Variants in JAKMIP3 observed in about 807,000 individuals in gnomAD.
JAKMIP3 encodes the protein Janus kinase and microtubule interacting protein 3.
Under a neutral mutation model 118.5 loss-of-function variants are expected in JAKMIP3, and 58 were observed. That is an observed-to-expected ratio of 0.49 (90% CI 0.40 to 0.61). JAKMIP3 has a LOEUF of 0.61. Ranked by LOEUF, JAKMIP3 falls within the 20% of genes least tolerant of loss-of-function variation. JAKMIP3 has a pLI of 0.00. For synonymous variants in JAKMIP3, 486 were observed against 451.2 expected, an observed-to-expected ratio of 1.08 and a Z score of -0.98; for missense variants, 950 against 1,109.0, an observed-to-expected ratio of 0.86 and a Z score of 2.04.
At chr10:132,110,378 C>T (rs1056739176) in intron 2 of JAKMIP3, among the ~76,000 whole-genome samples, 4 of 152,376 alleles carry the variant, frequency 2.6e-5, no homozygotes, top group African/African-American at 7.2e-5. Flanking sequence ...GTGGGGCCCA[C>T]GATAGATGGG....
At chr10:132,080,882 A>AT (rs1473273093) in intron 1 of JAKMIP3, among the ~76,000 whole-genome samples, 1 of 151,930 alleles carries the variant, frequency 6.6e-6, no homozygotes, top group Non-Finnish European at 1.5e-5. Context: ...ATTTGCAAAT[A>AT]TTTTCTCTCA....
chr10:132,085,243 G>C (rs567243707), intron 1 of JAKMIP3, among the ~76,000 whole-genome samples: 8 of 152,110 alleles, frequency 5.3e-5, no homozygotes, highest in African/African-American at 1.7e-4. Context: ...TTTCAGTCTC[G>C]CTGCCTGTTA....
chr10:132,152,760 A>T (rs1213689252), intron 16 of JAKMIP3, among the ~76,000 whole-genome samples, 198 bp from the exon 17 acceptor site: 1 of 152,140 alleles, frequency 6.6e-6, no homozygotes, highest in Non-Finnish European at 1.5e-5. Flanking sequence ...AATCGGCAGC[A>T]CCCGGAGGGA....
At position 132,097,975 on chromosome 10, in the gene JAKMIP3, C is replaced by CGCCT. The variant is rs1554928317; in HGVS notation, c.-137-6697_-137-6696insGCCT. On this transcript the variant is annotated intron_variant, in intron 1 of 23. Coordinates refer to ENST00000684848, the MANE Select transcript of JAKMIP3 (RefSeq NM_001323087.2). ...ATCCCCTTTCCCTTTCCTTCCTTTT[C>CGCCT]TCCCCTTCCCCTTCCCCTTCCCCTT... 5.8e-5 allele frequency among the ~76,000 whole-genome samples: 2 copies of CGCCT among 34,556 alleles called. 1 individual carries two copies. Among genetic ancestry groups the CGCCT allele is most frequent in the East Asian group, 3.2e-3 (2 of 620 alleles). 22.7% of individuals were successfully genotyped at this position (34,556 alleles called of 152,430 possible). A position where few individuals can be genotyped will look rare whatever the true frequency, so the allele number is the denominator to read the frequency against.
chr10:132,152,350 C>G (rs536761232), intron 16 of JAKMIP3, among the ~76,000 whole-genome samples: 2 of 152,314 alleles, frequency 1.3e-5, no homozygotes, highest in Non-Finnish European at 2.9e-5. Context: ...TCAGGCAGCC[C>G]TGGTCTGGAT....
At chr10:132,159,679 C>G (rs2057726233) in intron 19 of JAKMIP3, among the ~76,000 whole-genome samples, 2 of 111,530 alleles carry the variant, frequency 1.8e-5, no homozygotes, top group African/African-American at 3.7e-5. Context: ...GGGTCCTCTC[C>G]CTATGTGATG....
At chr10:132,156,871 T>C (rs1039051157) in intron 19 of JAKMIP3, among the ~76,000 whole-genome samples, 1 of 152,220 alleles carries the variant, frequency 6.6e-6, no homozygotes, top group Non-Finnish European at 1.5e-5. Context: ...CTTTTTTTAA[T>C]ATTGCATTTT....
chr10:132,171,443 T>C (rs1418891304), intron 23 of JAKMIP3, among the ~76,000 whole-genome samples: 1 of 152,206 alleles, frequency 6.6e-6, no homozygotes, highest in Non-Finnish European at 1.5e-5. Flanking sequence ...ATTGCGACAA[T>C]GTCCGTCCGA....
At chr10:132,165,013 C>T (rs2058749642) in intron 21 of JAKMIP3, among the ~76,000 whole-genome samples, 1 of 152,120 alleles carries the variant, frequency 6.6e-6, no homozygotes, top group African/African-American at 2.4e-5. Context: ...GCAGAGGAGC[C>T]ACTCCTCTTG....
intron 1 of JAKMIP3, among the ~76,000 whole-genome samples, chr10:132,079,770 C>T (rs1214960014): frequency 6.6e-6 from 1 of 152,214 alleles, no homozygotes; most frequent in Non-Finnish European, 1.5e-5. Context: ...CCCTGGCAGC[C>T]ACCTTCCATT....
intron 1 of JAKMIP3, among the ~76,000 whole-genome samples, chr10:132,092,312 C>T (rs11146164): frequency 0.35 from 53,852 of 151,820 alleles, 9,979 homozygotes; most frequent in African/African-American, 0.47. Context: ...GAATGTTGGC[C>T]TGCCTTGCTA....
chr10:132,059,617 A>C (rs2038337834), intron 1 of JAKMIP3, among the ~76,000 whole-genome samples: 1 of 152,216 alleles, frequency 6.6e-6, no homozygotes. Flanking sequence ...TGCAGCCTCC[A>C]GCAGTCTTCA....
intron 1 of JAKMIP3, among the ~76,000 whole-genome samples, chr10:132,071,825 T>C (rs2039920023): frequency 6.6e-6 from 1 of 151,112 alleles, no homozygotes; most frequent in East Asian, 1.9e-4. Flanking sequence ...TTCTTTTCTT[T>C]CCTTTCTTCC....
At chr10:132,055,422 T>A (rs2133825759) in intron 1 of JAKMIP3, among the ~76,000 whole-genome samples, 1 of 152,320 alleles carries the variant, frequency 6.6e-6, no homozygotes, top group Admixed American at 6.5e-5. Flanking sequence ...TAAGAGCACA[T>A]GATTTGCGAA....
In JAKMIP3 at chr10:132,049,907, G is replaced by C. The variant is rs559241237; in HGVS notation, c.-138+13169G>C. Among the ~76,000 whole-genome samples, 18 of 152,316 alleles carry C rather than the reference G, an allele frequency of 1.2e-4. No individual in the cohort carries two copies. The highest frequency in any genetic ancestry group is 1.1e-3 in the Admixed American group (17 of 15,294). On this transcript the variant is annotated intron_variant, in intron 1 of 23. Coordinates refer to the JAKMIP3 transcript ENST00000657785. The surrounding 1 kb of genome is among the most constrained non-coding windows in gnomAD (Gnocchi z 4.3). ...ATTGGGATATTTTACAAGGTTCCCAGCTTAATGAATCCCTTTTCTGTCAGC... is the reference window on the plus strand; with the variant it reads ...ATTGGGATATTTTACAAGGTTCCCACCTTAATGAATCCCTTTTCTGTCAGC...
upstream of JAKMIP3, among the ~76,000 whole-genome samples, chr10:132,064,249 C>T (rs1338087816): frequency 6.6e-6 from 1 of 152,182 alleles, no homozygotes; most frequent in Non-Finnish European, 1.5e-5. This position sits in a 1 kb window ranked among gnomAD's most constrained non-coding sequence, Gnocchi z 4.4. Flanking sequence ...GCGCCTGGCA[C>T]GGGGTAGGTG....
At chr10:132,172,990 T>TCC (rs55694461) in intron 23 of JAKMIP3, among the ~76,000 whole-genome samples, 3,086 of 32,570 alleles carry the variant, frequency 0.095, 762 homozygotes, top group East Asian at 0.79. Flanking sequence ...CCTCTCTCTC[T>TCC]CTCTCCTTCC....
chr10:132,067,320 T>A (rs553881468), intron 1 of JAKMIP3, among the ~76,000 whole-genome samples: 1 of 152,296 alleles, frequency 6.6e-6, no homozygotes, highest in East Asian at 1.9e-4. Context: ...GAGGTTTCCC[T>A]GCCTCTCCTG....
chr10:132,145,052 C>A, intron 11 of JAKMIP3, 55 bp from the exon 12 acceptor site: 2 of 1,444,950 alleles, frequency 1.4e-6, no homozygotes, highest in Non-Finnish European at 1.9e-6. Flanking sequence ...AGTGTGTGTG[C>A]TGTCTGTCCC....
Sources: allele counts gnomAD v4.1 joint callset (sites outside exome capture counted in the v4.1 genomes callset), GRCh38; gene constraint gnomAD v4.1.1; non-coding constraint Gnocchi (gnomAD v3.1); transcripts MANE v1.5; gene names NCBI Gene and HGNC (gene_info 2026-07-23, HGNC 2026-07-21).